Variants in PREPL observed in about 807,000 individuals in gnomAD.
PREPL encodes the protein prolyl endopeptidase like.
A neutral mutation model predicts 70.6 loss-of-function variants in PREPL; 77 were observed. The ratio of observed to expected loss-of-function variants is 1.09; its 90% CI spans 0.91 to 1.32. PREPL has a LOEUF of 1.32. Ranked by LOEUF, PREPL falls within the 40% of genes most tolerant of loss-of-function variation. PREPL has a pLI of 0.00. For synonymous variants in PREPL, 315 were observed against 264.8 expected (o/e 1.19, Z -1.84); for missense variants, 1,002 against 778.2 (o/e 1.29, Z -3.42).
chr2:44,355,833 T>C (rs1158434897), intron 1 of PREPL, among the ~76,000 whole-genome samples: 1 of 151,454 alleles, frequency 6.6e-6, no homozygotes, highest in East Asian at 1.9e-4. Context: ...TAACCTGTAT[T>C]GTAGAAATAG....
intron 1 of PREPL, among the ~76,000 whole-genome samples, chr2:44,357,774 A>T (rs1677206076): frequency 6.6e-6 from 1 of 152,238 alleles, no homozygotes; most frequent in African/African-American, 2.4e-5. Context: ...AACACAATGC[A>T]AAATAAAATA....
At chr2:44,359,288 G>C (rs761247562) in intron 1 of PREPL, among the ~76,000 whole-genome samples, 1 of 151,780 alleles carries the variant, frequency 6.6e-6, no homozygotes, top group African/African-American at 2.4e-5. Context: ...GGCTGGTCTC[G>C]AACTCCTGAC....
chr2:44,358,883 A>G (rs1019258795), intron 1 of PREPL, among the ~76,000 whole-genome samples: 2 of 152,178 alleles, frequency 1.3e-5, no homozygotes, highest in African/African-American at 4.8e-5. Context: ...TGTGATTCAT[A>G]AAACAATTAG....
At chr2:44,327,307 G>A (rs751071539) in intron 9 of PREPL, among the ~76,000 whole-genome samples, 14 of 152,088 alleles carry the variant, frequency 9.2e-5, no homozygotes, top group Non-Finnish European at 1.9e-4. Context: ...AGAAAACAAC[G>A]ACTTACCCAG....
intron 10 of PREPL, among the ~76,000 whole-genome samples, chr2:44,325,392 C>G (rs1023460162): frequency 2.6e-5 from 4 of 152,170 alleles, no homozygotes; most frequent in African/African-American, 9.7e-5. Context: ...TTCATTGGGC[C>G]AATTCTATGC....
rs1326011830 is a variant in PREPL at position 44,319,389 on chromosome 2, G to C, written c.*1967C>G. The C allele has an allele frequency of 6.6e-6, 1 of 152,536 alleles. No individual in the cohort carries two copies. Among genetic ancestry groups the C allele is most frequent in the Non-Finnish European group, 1.5e-5 (1 of 68,026 alleles). 9.4% of individuals were successfully genotyped at this position (152,536 alleles called of 1,614,324 possible). ...ATCTATCTTAAGTAATACAAAAATG[G>C]GGGGAGGGGAATAAAAATACAAAAT... On this transcript the variant is annotated 3_prime_UTR_variant, in exon 14 of 14. Transcript: ENST00000409411.
At chr2:44,323,188 C>T (rs1673153496) in intron 11 of PREPL, 74 bp downstream of exon 11, 1 of 1,399,590 alleles carries the variant, frequency 7.1e-7, no homozygotes, top group South Asian at 1.5e-5. Context: ...ATTTTTGCTT[C>T]AGCTTGGATA....
chr2:44,318,064 T>C lies in PREPL; in HGVS notation c.*3292A>G, dbSNP rs1033974385. 9.2e-6 allele frequency: 4 copies of C among 435,304 alleles called. No homozygotes were observed. Among genetic ancestry groups the C allele is most frequent in the Non-Finnish European group, 1.8e-5 (4 of 219,152 alleles). The allele number at this position is 435,304 out of a possible 1,614,324, so 27.0% of individuals were successfully genotyped here. A position where few individuals can be genotyped will look rare whatever the true frequency, so the allele number is the denominator to read the frequency against. ...TAATACTTAGAAATATTTGCACATG[T>C]GCACAATAATACTTAAAGGATCTCA... On this transcript the variant is annotated 3_prime_UTR_variant, in exon 14 of 14. Transcript: ENST00000409411.
At chr2:44,357,868 A>C (rs1015555862) in intron 1 of PREPL, among the ~76,000 whole-genome samples, 3 of 152,228 alleles carry the variant, frequency 2.0e-5, no homozygotes, top group African/African-American at 7.2e-5. Context: ...AAAAACACAA[A>C]AATGAAATAA....
At chr2:44,350,569 T>A (rs1270210067) in intron 1 of PREPL, among the ~76,000 whole-genome samples, 1 of 152,230 alleles carries the variant, frequency 6.6e-6, no homozygotes, top group African/African-American at 2.4e-5. Context: ...TTCCAAAATT[T>A]TAATAATGTT....
chr2:44,332,235 C>T (rs1037370504), intron 8 of PREPL, among the ~76,000 whole-genome samples: 5 of 151,884 alleles, frequency 3.3e-5, no homozygotes, highest in African/African-American at 7.3e-5. Context: ...CGTGAGCCAC[C>T]GTGCCCGGCC....
rs1259296551 is a variant in PREPL at position 44,332,477 on chromosome 2, A to G, written c.1068T>C (p.Arg356=). The change falls in exon 8 of 14, where the codon CGT becomes CGC. Residue 356 remains arginine (R), a synonymous_variant. Coordinates refer to ENST00000409411, the MANE Select transcript of PREPL (RefSeq NM_001171613.2). Reference sequence around the variant, plus strand: ...GACCTACCTTGCTTTTGGCTTCTAGACGTAAAACGCGACTAGTCTTTGTGA... The same window carrying G: ...GACCTACCTTGCTTTTGGCTTCTAGGCGTAAAACGCGACTAGTCTTTGTGA... ...DPITKTSRVL[R]LEAKSKDGKL... is the part of the protein sequence containing the mutation. The G allele has an allele frequency of 6.2e-7, 1 of 1,613,976 alleles. No individual in the cohort carries two copies. The highest frequency in any genetic ancestry group is 1.1e-5 in the South Asian group (1 of 91,064).
intron 7 of PREPL, among the ~76,000 whole-genome samples, chr2:44,333,557 A>T (rs1465915304): frequency 6.6e-6 from 1 of 152,086 alleles, no homozygotes; most frequent in East Asian, 1.9e-4. Context: ...TTTGTGCGTA[A>T]AGGGGATACC....
intron 5 of PREPL, among the ~76,000 whole-genome samples, chr2:44,341,385 G>T (rs1228042656): frequency 1.3e-5 from 2 of 151,934 alleles, no homozygotes; most frequent in Admixed American, 6.6e-5. Flanking sequence ...CTATCAATTT[G>T]TATTATTTTT....
At chr2:44,352,101 C>G (rs1475892857) in intron 1 of PREPL, among the ~76,000 whole-genome samples, 1 of 152,196 alleles carries the variant, frequency 6.6e-6, no homozygotes, top group Non-Finnish European at 1.5e-5. Context: ...AAAGCTATTG[C>G]TCAAATGTCA....
At position 44,318,956 on chromosome 2, in the gene PREPL, A is replaced by G. The variant is rs1178887063; in HGVS notation, c.*2400T>C. On this transcript the variant is annotated 3_prime_UTR_variant, in exon 14 of 14. Transcript: ENST00000409411. ...TGCAATTACAGAAAAAGACTTCAAC[A>G]TACTTTTAGAAAGTAGTAACTCAAG... 2.0e-5 allele frequency: 3 copies of G among 152,240 alleles called. No homozygotes were observed. The highest frequency in any genetic ancestry group is 2.9e-5 in the Non-Finnish European group (2 of 68,024). 9.4% of individuals were successfully genotyped at this position (152,240 alleles called of 1,614,324 possible).
intron 11 of PREPL, 102 bp downstream of exon 11, chr2:44,323,160 A>T: frequency 8.4e-7 from 1 of 1,184,748 alleles, no homozygotes; most frequent in Non-Finnish European, 1.2e-6. Context: ...CATAAGTAGA[A>T]ACATCTCTAA....
intron 7 of PREPL, among the ~76,000 whole-genome samples, chr2:44,333,626 T>TC (rs1553355283): frequency 2.0e-5 from 3 of 148,774 alleles, no homozygotes; most frequent in African/African-American, 7.4e-5. Flanking sequence ...CTCTTATTAA[T>TC]AAAAAAAAAA....
At chr2:44,356,869 C>A (rs1295585092) in intron 1 of PREPL, among the ~76,000 whole-genome samples, 1 of 151,226 alleles carries the variant, frequency 6.6e-6, no homozygotes, top group East Asian at 1.9e-4. Flanking sequence ...TCTCACTGTG[C>A]CTCAACCTCA....
Sources: gnomAD v4.1 joint callset for allele counts (sites outside exome capture counted in the v4.1 genomes callset) on GRCh38, gnomAD v4.1.1 for gene constraint, MANE v1.5 for transcripts, NCBI Gene and HGNC (gene_info 2026-07-23, HGNC 2026-07-21) for gene names.